Variants in CCL28 observed in about 807,000 individuals in gnomAD.
The protein encoded by CCL28 is C-C motif chemokine ligand 28, also known as C-C motif chemokine 28.
A neutral mutation model predicts 7.1 loss-of-function variants in CCL28; 4 were observed. The ratio of observed to expected loss-of-function variants is 0.56; its 90% CI spans 0.28 to 1.29. The LOEUF (loss-of-function observed/expected upper bound fraction) is 1.29. Among genes scored for constraint, CCL28 ranks in the 50% most tolerant of loss-of-function variants. CCL28 has a pLI of 0.11. For missense variants in CCL28, 151 were observed against 163.4 expected, an observed-to-expected ratio of 0.92 and a Z score of 0.41; for synonymous variants, 55 against 57.8, an observed-to-expected ratio of 0.95 and a Z score of 0.22.
intron 2 of CCL28, 37 bp downstream of exon 2, chr5:43,388,313 T>G (rs1740421890): frequency 6.2e-7 from 1 of 1,610,440 alleles, no homozygotes; most frequent in Admixed American, 1.7e-5. Flanking sequence ...AAATAATCAC[T>G]GTGCAGGTTT....
chr5:43,392,244 G>T (rs1420502442), intron 1 of CCL28, among the ~76,000 whole-genome samples: 1 of 152,176 alleles, frequency 6.6e-6, no homozygotes, highest in Non-Finnish European at 1.5e-5. Context: ...AGCTGCCCAT[G>T]TAGCTGGAAT....
At chr5:43,358,936 A>G in the CCL28 span, among the ~76,000 whole-genome samples, 3 of 152,150 alleles carry the variant, frequency 2.0e-5, no homozygotes, top group African/African-American at 7.2e-5. Flanking sequence ...TCCTGGGCAA[A>G]AGCCAAGCTA....
chr5:43,398,236 G>A (rs1740895192), intron 1 of CCL28, among the ~76,000 whole-genome samples: 1 of 142,580 alleles, frequency 7.0e-6, no homozygotes, highest in African/African-American at 2.6e-5. Flanking sequence ...TTTTTCCTTA[G>A]ATAAGATCTT....
At chr5:43,364,655 G>A in the CCL28 span, among the ~76,000 whole-genome samples, 1 of 152,082 alleles carries the variant, frequency 6.6e-6, no homozygotes. Context: ...TGACAGTGGG[G>A]TGTTAAAGTC....
At position 43,381,793 on chromosome 5, in the gene CCL28, A is replaced by G; in HGVS notation, c.*67T>C. 1 of 1,320,384 alleles carries G rather than the reference A, an allele frequency of 7.6e-7. No homozygotes were observed. Among genetic ancestry groups the G allele is most frequent in the Non-Finnish European group, 1.1e-6 (1 of 947,404 alleles). 81.8% of individuals were successfully genotyped at this position (1,320,384 alleles called of 1,614,324 possible). A position where few individuals can be genotyped will look rare whatever the true frequency, so the allele number is the denominator to read the frequency against. ...CTACAATAAGGAGAATTCAGATGATAAACTTACAACCAATCATGGCCAAGT... is the reference window on the plus strand; with the variant it reads ...CTACAATAAGGAGAATTCAGATGATGAACTTACAACCAATCATGGCCAAGT... On this transcript the variant is annotated 3_prime_UTR_variant, in exon 3 of 3. Coordinates refer to ENST00000361115, the MANE Select transcript of CCL28 (RefSeq NM_148672.3).
downstream of CCL28, among the ~76,000 whole-genome samples, chr5:43,374,335 T>G (rs1197235488): frequency 6.6e-6 from 1 of 152,168 alleles, no homozygotes; most frequent in East Asian, 1.9e-4. Flanking sequence ...AAGCATGGCA[T>G]TAGGATGGAA....
chr5:43,360,838 T>C, the CCL28 span, among the ~76,000 whole-genome samples: 1 of 152,164 alleles, frequency 6.6e-6, no homozygotes, highest in Non-Finnish European at 1.5e-5. Context: ...TCTTCAACTT[T>C]GAAGTTCAGG....
At chr5:43,357,306 G>A in the CCL28 span, among the ~76,000 whole-genome samples, 1 of 152,180 alleles carries the variant, frequency 6.6e-6, no homozygotes, top group South Asian at 2.1e-4. Context: ...TTTTGTGGGA[G>A]GAACTGCAAA....
chr5:43,383,378 C>T (rs996589684), intron 2 of CCL28, among the ~76,000 whole-genome samples: 6 of 152,184 alleles, frequency 3.9e-5, no homozygotes, highest in Admixed American at 1.3e-4. Context: ...GAATAAGCTG[C>T]TATTTTTCTA....
At position 43,381,880 on chromosome 5, in the gene CCL28, C is replaced by T. The variant is rs1242216229; in HGVS notation, c.364G>A (p.Gly122Ser). ...ACTCTCTAATAAGGAGTTTTATGGC[C>T]GTATGTTTCGTGTTTCCCCTGATGT... ...RAHQGKHETY[G>S]HKTPY The change falls in exon 3 of 3, where the codon GGC becomes AGC. Residue 122 changes from glycine (G) to serine (S), a missense_variant. By Grantham distance (56) the Gly-to-Ser change is moderately conservative. Transcript: ENST00000361115. The T allele has an allele frequency of 4.3e-6, 7 of 1,613,552 alleles. No individual in the cohort carries two copies. The highest frequency in any genetic ancestry group is 2.7e-5 in the African/African-American group (2 of 74,874).
In CCL28 at chr5:43,386,378, G is replaced by A. The variant is rs986044953; in HGVS notation, c.191+1972C>T. Among the ~76,000 whole-genome samples the A allele has an allele frequency of 1.2e-4, 19 of 152,110 alleles. 1 individual carries two copies. Among genetic ancestry groups the A allele is most frequent in the Admixed American group, 1.2e-3 (18 of 15,278 alleles). ...GGAGCACCCCTCAGAATCCTCATTG[G>A]TATGTAGCCCCTGGAGTGCCACAGA... On this transcript the variant is annotated intron_variant, in intron 2 of 2. Coordinates refer to ENST00000361115, the MANE Select transcript of CCL28 (RefSeq NM_148672.3).
chr5:43,404,436 C>T (rs1251056276), intron 1 of CCL28, among the ~76,000 whole-genome samples: 6 of 152,078 alleles, frequency 3.9e-5, no homozygotes, highest in Non-Finnish European at 7.4e-5. Context: ...AGAAATAAAC[C>T]CCTTTACAGA....
In CCL28 at chr5:43,384,929, C is replaced by T. The variant is rs183560327; in HGVS notation, c.192-2877G>A. Among the ~76,000 whole-genome samples, 432 of 148,624 alleles carry T rather than the reference C, an allele frequency of 2.9e-3. 2 individuals are homozygous for T. Among genetic ancestry groups the T allele is most frequent in the African/African-American group, 0.01 (419 of 40,302 alleles). ...ACAACTTTTTTTTTTTTTTTTGAGACGGAGTCACCCAGGCTGGAGTGCAGT... is the reference window on the plus strand; with the variant it reads ...ACAACTTTTTTTTTTTTTTTTGAGATGGAGTCACCCAGGCTGGAGTGCAGT... On this transcript the variant is annotated intron_variant, in intron 2 of 2. Coordinates refer to ENST00000361115, the MANE Select transcript of CCL28 (RefSeq NM_148672.3).
chr5:43,378,174 C>T (rs1739965272), downstream of CCL28, among the ~76,000 whole-genome samples: 1 of 145,546 alleles, frequency 6.9e-6, no homozygotes, highest in Non-Finnish European at 1.5e-5. Context: ...GAGACCCTGT[C>T]TCTACAGAAA....
At chr5:43,368,925 G>A in the CCL28 span, among the ~76,000 whole-genome samples, 15 of 150,942 alleles carry the variant, frequency 9.9e-5, no homozygotes, top group South Asian at 1.9e-3. Flanking sequence ...CACCTAGTTT[G>A]TGGTACTTTG....
At chr5:43,389,877 G>T (rs1407853376) in intron 1 of CCL28, among the ~76,000 whole-genome samples, 5 of 152,212 alleles carry the variant, frequency 3.3e-5, no homozygotes, top group Non-Finnish European at 5.9e-5. Context: ...AACATGGGAA[G>T]TTAGGCAATG....
the CCL28 span, among the ~76,000 whole-genome samples, chr5:43,365,789 G>A: frequency 6.6e-6 from 1 of 152,142 alleles, no homozygotes; most frequent in Non-Finnish European, 1.5e-5. Context: ...TCACTTTCAG[G>A]TACACCAATC....
chr5:43,395,495 A>G (rs964321673), intron 1 of CCL28, among the ~76,000 whole-genome samples: 2 of 152,236 alleles, frequency 1.3e-5, no homozygotes. Flanking sequence ...TGGGCAACAT[A>G]GTGAGACCCT....
Position 43,380,009 on chromosome 5 carries a change from TA to T in CCL28, c.*1850del, listed in dbSNP as rs1210654143. 6.6e-6 allele frequency: 1 copy of T among 151,968 alleles called. No individual in the cohort carries two copies. The highest frequency in any genetic ancestry group is 1.5e-5 in the Non-Finnish European group (1 of 68,006). The allele number at this position is 151,968 out of a possible 1,614,324, so 9.4% of individuals were successfully genotyped here. A position where few individuals can be genotyped will look rare whatever the true frequency, so the allele number is the denominator to read the frequency against. ...GTGGCTGGGCGCCTGTAATATCAGTTACTTGGGAGGCTGAGGCAAGAGAATC... is the reference window on the plus strand; with the variant it reads ...GTGGCTGGGCGCCTGTAATATCAGTTCTTGGGAGGCTGAGGCAAGAGAATC... On this transcript the variant is annotated 3_prime_UTR_variant, in exon 3 of 3. Coordinates refer to ENST00000361115, the MANE Select transcript of CCL28 (RefSeq NM_148672.3).
Sources: gnomAD v4.1 joint callset for allele counts (sites outside exome capture counted in the v4.1 genomes callset) on GRCh38, gnomAD v4.1.1 for gene constraint, MANE v1.5 for transcripts, NCBI Gene and HGNC (gene_info 2026-07-23, HGNC 2026-07-21) for gene names.